COG2: variants seen among roughly 807,000 people sequenced by gnomAD.
The protein encoded by COG2 is conserved oligomeric Golgi complex subunit 2.
COG2 carries 52 observed loss-of-function variants against 90.6 expected under a neutral mutation model. The ratio of observed to expected loss-of-function variants is 0.57; its 90% CI spans 0.46 to 0.72. The LOEUF is 0.72. Among genes scored for constraint, COG2 ranks in the 30% least tolerant of loss-of-function variants. The probability of loss-of-function intolerance (pLI) is 0.00; values close to 1 mark genes in which losing one functional copy is unlikely to be tolerated. For missense variants in COG2, 829 were observed against 891.2 expected (o/e 0.93, Z 0.89); for synonymous variants, 337 against 320.4 (o/e 1.05, Z -0.55).
At chr1:230,655,201 T>G (rs1558268768) in intron 1 of COG2, among the ~76,000 whole-genome samples, 1 of 152,204 alleles carries the variant, frequency 6.6e-6, no homozygotes, top group Non-Finnish European at 1.5e-5. Flanking sequence ...TGCTTCCAGT[T>G]TTTGGCCATT....
intron 2 of COG2, among the ~76,000 whole-genome samples, chr1:230,659,901 A>G (rs1433632999): frequency 6.6e-6 from 1 of 152,220 alleles, no homozygotes; most frequent in African/African-American, 2.4e-5. Flanking sequence ...TTTCATTAGC[A>G]GCTGATTACC....
chr1:230,650,935 C>G (rs955313622), intron 1 of COG2, among the ~76,000 whole-genome samples: 3 of 152,100 alleles, frequency 2.0e-5, no homozygotes, highest in African/African-American at 7.2e-5. Context: ...TAATGTTTAT[C>G]GAATATGCAG....
chr1:230,676,046 C>G (rs1026489785), intron 9 of COG2, among the ~76,000 whole-genome samples: 7 of 152,038 alleles, frequency 4.6e-5, no homozygotes, highest in Non-Finnish European at 7.4e-5. Flanking sequence ...AGTTTGCTTT[C>G]CATTCTATCA....
rs2296801 is a variant in COG2, at chr1:230,693,342, C to G, written c.2166C>G (p.Leu722=). ...QASDIKSFSA[L]AELVAAAKDQ... is the part of the protein sequence containing the mutation. ...GTGACATAAAAAGCTTCTCAGCTCT[C>G]GCAGAGCTTGTTGCTGCTGCCAAGG... is the stretch of plus-strand genomic sequence containing the variant. The change falls in exon 18 of 18, where the codon CTC becomes CTG. Residue 722 remains leucine (L), a synonymous_variant. Coordinates refer to ENST00000366669, the MANE Select transcript of COG2 (RefSeq NM_007357.3). 6.2e-7 allele frequency: 1 copy of G among 1,613,614 alleles called. No homozygotes were observed. The highest frequency in any genetic ancestry group is 1.1e-5 in the South Asian group (1 of 90,932).
At chr1:230,689,807 C>T (rs1052262827) in intron 15 of COG2, among the ~76,000 whole-genome samples, 2 of 152,226 alleles carry the variant, frequency 1.3e-5, no homozygotes, top group Non-Finnish European at 2.9e-5. Context: ...CCAGACATCA[C>T]CTTCTTGTGC....
At chr1:230,693,201 T>G (rs1663078884) in intron 17 of COG2, 91 bp from the exon 18 acceptor site, 2 of 740,940 alleles carry the variant, frequency 2.7e-6, no homozygotes, top group Non-Finnish European at 4.8e-6. Flanking sequence ...TCTTCTGGTT[T>G]AGTAGAGGAT....
At chr1:230,663,888 A>G (rs544651548) in intron 4 of COG2, among the ~76,000 whole-genome samples, 2 of 152,312 alleles carry the variant, frequency 1.3e-5, no homozygotes, top group African/African-American at 4.8e-5. Flanking sequence ...AAAGGTTTAT[A>G]TAAGATAGGG....
intron 15 of COG2, among the ~76,000 whole-genome samples, chr1:230,689,709 G>A (rs1284973535): frequency 6.6e-6 from 1 of 152,200 alleles, no homozygotes; most frequent in African/African-American, 2.4e-5. Context: ...GATTGGTGTG[G>A]ACGTGAGGCC....
chr1:230,665,107 T>C (rs1365378130), intron 5 of COG2, among the ~76,000 whole-genome samples: 1 of 152,222 alleles, frequency 6.6e-6, no homozygotes, highest in Non-Finnish European at 1.5e-5. Flanking sequence ...CTTCCCACAC[T>C]GAATTTAAAA....
In COG2 at chr1:230,645,253, A is replaced by AAAAG. The variant is rs1558265902; in HGVS notation, c.72+2579_72+2582dup. Among the ~76,000 whole-genome samples, 15 of 145,716 alleles carry AAAAG rather than the reference A, an allele frequency of 1.0e-4. 1 individual carries two copies. Among genetic ancestry groups the AAAAG allele is most frequent in the East Asian group, 2.0e-4 (1 of 4,926 alleles). ...CCTGTCAAAAAAAAAAAAAAAAAAAAAAAGAAAATGTACAAACACTCTTAG... is the reference window on the plus strand; with the variant it reads ...CCTGTCAAAAAAAAAAAAAAAAAAAAAAAGAAAGAAAATGTACAAACACTCTTAG... On this transcript the variant is annotated intron_variant, in intron 1 of 17. Transcript: ENST00000366669.
intron 8 of COG2, among the ~76,000 whole-genome samples, chr1:230,674,539 A>G (rs1053417145): frequency 9.2e-5 from 14 of 152,270 alleles, no homozygotes; most frequent in Admixed American, 7.8e-4. Context: ...ACTGAAAGTA[A>G]TCTTAGAGAT....
Position 230,685,203 on chromosome 1 carries a change from G to A in COG2, c.1347G>A (p.Gln449=). The A allele has an allele frequency of 6.2e-7, 1 of 1,614,200 alleles. No individual in the cohort carries two copies. Among genetic ancestry groups the A allele is most frequent in the South Asian group, 1.1e-5 (1 of 91,088 alleles). The change falls in exon 12 of 18, where the codon CAG becomes CAA. Residue 449 remains glutamine (Q), a synonymous_variant. Transcript: ENST00000366669. ...ATCGCCTGTGGAGACTCACTCTGCAGATTTTGGCACGATACTCTGTGTTTG... is the reference window on the plus strand; with the variant it reads ...ATCGCCTGTGGAGACTCACTCTGCAAATTTTGGCACGATACTCTGTGTTTG... ...LVHRLWRLTL[Q]ILARYSVFVN...
rs2296798 is a variant in COG2 at position 230,684,884 on chromosome 1, G to A, written c.1229-201G>A. ...GAGATAGTGTCATGTAAAATTGTGC[G>A]TGGCATGAAGGATGTGGTAGGGAAC... On this transcript the variant is annotated intron_variant, in intron 11 of 17. Coordinates refer to ENST00000366669, the MANE Select transcript of COG2 (RefSeq NM_007357.3). Among the ~76,000 whole-genome samples, 53,129 of 152,078 alleles carry A rather than the reference G, an allele frequency of 0.35. 9,998 individuals are homozygous for A. The highest frequency in any genetic ancestry group is 0.49 in the African/African-American group (20,239 of 41,454).
At chr1:230,685,307 C>T (rs925727860) in intron 12 of COG2, 71 bp downstream of exon 12, 8 of 1,535,278 alleles carry the variant, frequency 5.2e-6, no homozygotes, top group African/African-American at 2.7e-5. Context: ...GGCTAACTCC[C>T]TAAGATTTTT....
intron 7 of COG2, chr1:230,670,081 T>G (rs977536667): frequency 6.6e-6 from 1 of 152,448 alleles, no homozygotes; most frequent in Non-Finnish European, 1.5e-5. Flanking sequence ...TATTCAAAGA[T>G]CAAGGGCTTT....
intron 10 of COG2, chr1:230,683,368 C>T (rs1177397990): frequency 1.4e-5 from 7 of 498,352 alleles, no homozygotes; most frequent in Non-Finnish European, 2.5e-5. Flanking sequence ...TAACAGAGAA[C>T]CCTTATATAA....
Position 230,683,571 on chromosome 1 carries a change from C to T in COG2, c.1167-3C>T. On this transcript the variant is annotated splice_polypyrimidine_tract_variant and splice_region_variant and intron_variant, in intron 10 of 17. Transcript: ENST00000366669. ...TTAATTCTTCTTCTTGTTTTTATCT[C>T]AGATTTAGAGAAATAGCGGGATCCT... 1 of 1,605,804 alleles carries T rather than the reference C, an allele frequency of 6.2e-7. No individual in the cohort carries two copies. The highest frequency in any genetic ancestry group is 2.2e-5 in the East Asian group (1 of 44,786).
chr1:230,675,615 G>T (rs1193628128), intron 9 of COG2, among the ~76,000 whole-genome samples: 1 of 151,886 alleles, frequency 6.6e-6, no homozygotes, highest in East Asian at 1.9e-4. Flanking sequence ...ATATTTATTT[G>T]TTTTTTTAAT....
intron 13 of COG2, among the ~76,000 whole-genome samples, chr1:230,687,744 A>G (rs962989390): frequency 3.9e-5 from 6 of 152,084 alleles, no homozygotes; most frequent in East Asian, 1.9e-4. Context: ...ACTGTTTTGA[A>G]TTTTAAAATT....
Sources: gnomAD v4.1 joint callset for allele counts (sites outside exome capture counted in the v4.1 genomes callset) on GRCh38, gnomAD v4.1.1 for gene constraint, MANE v1.5 for transcripts, NCBI Gene and HGNC (gene_info 2026-07-23, HGNC 2026-07-21) for gene names.